The following THSD7A variants were observed in gnomAD, a reference collection of about 807,000 sequenced individuals.
THSD7A encodes the protein thrombospondin type-1 domain-containing protein 7A.
Under a neutral mutation model 231.3 loss-of-function variants are expected in THSD7A, and 96 were observed. The ratio of observed to expected loss-of-function variants is 0.41; its 90% CI spans 0.35 to 0.49. The LOEUF is 0.49. Ranked by LOEUF, THSD7A falls within the 20% of genes least tolerant of loss-of-function variation. The pLI is 0.05. For synonymous variants in THSD7A, 940 were observed against 743.3 expected, an observed-to-expected ratio of 1.26 and a Z score of -4.30; for missense variants, 2,290 against 2,070.2, an observed-to-expected ratio of 1.11 and a Z score of -2.06.
chr7:11,610,229 T>G (rs1247971014), intron 2 of THSD7A, among the ~76,000 whole-genome samples: 1 of 152,124 alleles, frequency 6.6e-6, no homozygotes, highest in African/African-American at 2.4e-5. Context: ...ATACTGACTC[T>G]TGTTCCTCTG....
At chr7:11,735,045 A>G (rs1255344048) in intron 1 of THSD7A, among the ~76,000 whole-genome samples, 1 of 151,932 alleles carries the variant, frequency 6.6e-6, no homozygotes, top group Non-Finnish European at 1.5e-5. Context: ...AAGTCTTCTT[A>G]CATGTTCAAA....
intron 23 of THSD7A, 73 bp from the exon 24 acceptor site, chr7:11,382,689 A>G (rs1782566460): frequency 6.3e-6 from 7 of 1,116,122 alleles, no homozygotes; most frequent in Non-Finnish European, 9.4e-6. Flanking sequence ...TAGAGTATTA[A>G]TAACATATTA....
intron 1 of THSD7A, among the ~76,000 whole-genome samples, chr7:11,706,585 G>T (rs1349513791): frequency 1.5e-5 from 2 of 136,638 alleles, no homozygotes; most frequent in South Asian, 2.3e-4. Flanking sequence ...TATATAATTT[G>T]CCACCACTTA....
chr7:11,733,459 G>T (rs1156643504), intron 1 of THSD7A, among the ~76,000 whole-genome samples: 2 of 151,790 alleles, frequency 1.3e-5, no homozygotes, highest in African/African-American at 4.8e-5. Flanking sequence ...CAAAAATAAT[G>T]GAATTTCAAG....
intron 6 of THSD7A, among the ~76,000 whole-genome samples, chr7:11,536,869 G>A (rs1788936421): frequency 6.6e-6 from 1 of 151,778 alleles, no homozygotes; most frequent in South Asian, 2.1e-4. Flanking sequence ...ATCTTCTACC[G>A]ATTGTCCCAC....
chr7:11,476,029 C>A (rs960308923), intron 7 of THSD7A, among the ~76,000 whole-genome samples: 1 of 141,606 alleles, frequency 7.1e-6, no homozygotes, highest in Admixed American at 7.4e-5. Flanking sequence ...TAAAAAATAA[C>A]CTTTTCCTTT....
intron 2 of THSD7A, among the ~76,000 whole-genome samples, chr7:11,607,307 G>T (rs976968755): frequency 6.6e-6 from 1 of 152,046 alleles, no homozygotes; most frequent in African/African-American, 2.4e-5. Flanking sequence ...GACAGAGGAC[G>T]ATGACTGCTG....
At chr7:11,640,266 G>A (rs1782031526) in intron 1 of THSD7A, among the ~76,000 whole-genome samples, 1 of 152,124 alleles carries the variant, frequency 6.6e-6, no homozygotes, top group Non-Finnish European at 1.5e-5. Context: ...TTTATTGAAT[G>A]AATGAATAAA....
chr7:11,619,691 G>T (rs1395318722), intron 2 of THSD7A, among the ~76,000 whole-genome samples: 1 of 151,568 alleles, frequency 6.6e-6, no homozygotes. Context: ...CAAAGTGCTG[G>T]GATTACAGGC....
At chr7:11,802,468 A>T (rs1204576123) in intron 1 of THSD7A, among the ~76,000 whole-genome samples, 1 of 152,158 alleles carries the variant, frequency 6.6e-6, no homozygotes, top group Non-Finnish European at 1.5e-5. Flanking sequence ...TAGGGAAGCC[A>T]AGGAGGGACA....
At chr7:11,723,315 G>C (rs1178635070) in intron 1 of THSD7A, among the ~76,000 whole-genome samples, 2 of 147,828 alleles carry the variant, frequency 1.4e-5, no homozygotes, top group Middle Eastern at 3.2e-3. Flanking sequence ...TCACACACTG[G>C]GGCCTGTTGT....
At chr7:11,596,952 G>A (rs1048048109) in intron 2 of THSD7A, among the ~76,000 whole-genome samples, 10 of 152,190 alleles carry the variant, frequency 6.6e-5, no homozygotes, top group Admixed American at 6.5e-4. Flanking sequence ...TACCTTTACT[G>A]TCCTACCTCA....
intron 1 of THSD7A, among the ~76,000 whole-genome samples, chr7:11,648,753 G>C (rs1431344129): frequency 6.6e-6 from 1 of 151,530 alleles, no homozygotes; most frequent in African/African-American, 2.4e-5. Flanking sequence ...AAGTGTCTGT[G>C]CTGCCACTTT....
chr7:11,562,101 G>T (rs959486043), intron 4 of THSD7A, among the ~76,000 whole-genome samples: 17 of 152,134 alleles, frequency 1.1e-4, no homozygotes. Context: ...GTGGACCAGT[G>T]CAGAATCTGG....
At chr7:11,760,435 T>C (rs572098610) in intron 1 of THSD7A, among the ~76,000 whole-genome samples, 5 of 152,234 alleles carry the variant, frequency 3.3e-5, no homozygotes, top group Admixed American at 2.6e-4. Flanking sequence ...CAAGTAAGAA[T>C]GGCTGTTCCT....
At chr7:11,461,909 G>T in intron 10 of THSD7A, 102 bp downstream of exon 10, 1 of 1,418,160 alleles carries the variant, frequency 7.1e-7, no homozygotes. Flanking sequence ...CATTGAGCCT[G>T]TGGAAGGAAC....
intron 1 of THSD7A, among the ~76,000 whole-genome samples, chr7:11,651,467 A>G (rs1181461809): frequency 6.8e-6 from 1 of 146,568 alleles, no homozygotes; most frequent in Non-Finnish European, 1.5e-5. Context: ...GTATCCATCT[A>G]TTATCTATCT....
At chr7:11,414,938 A>G (rs886533065) in intron 17 of THSD7A, among the ~76,000 whole-genome samples, 1 of 152,254 alleles carries the variant, frequency 6.6e-6, no homozygotes, top group South Asian at 2.1e-4. Context: ...CTTAGTTGGT[A>G]TCTGTTTAAT....
In THSD7A at chr7:11,636,148, C is replaced by T. The variant is rs780511005; in HGVS notation, c.1004G>A (p.Gly335Glu). 350 of 1,611,000 alleles carry T rather than the reference C, an allele frequency of 2.2e-4. No individual in the cohort carries two copies. Among genetic ancestry groups the T allele is most frequent in the Non-Finnish European group, 2.9e-4 (339 of 1,178,582 alleles). Residue 335 changes from glycine (G) to glutamate (E), a missense_variant, in exon 2 of 28, where the codon GGG becomes GAG. Transcript: ENST00000423059. The surrounding 1 kb of genome is among the most constrained non-coding windows in gnomAD (Gnocchi z 10.0). ...ATGTTACCTTAAATCAGCAGCTTTC[C>T]CCGTCTTGTTAATGCACATAACCTC... is the stretch of plus-strand genomic sequence containing the variant. ...TREVMCINKT[G>E]KAADLSFCQQ...
Sources: gnomAD v4.1 joint callset for allele counts (sites outside exome capture counted in the v4.1 genomes callset) on GRCh38, gnomAD v4.1.1 for gene constraint, Gnocchi (gnomAD v3.1) non-coding constraint, MANE v1.5 for transcripts, NCBI Gene and HGNC (gene_info 2026-07-23, HGNC 2026-07-21) for gene names.